The following B3GAT2 variants were observed in gnomAD, a reference collection of about 807,000 sequenced individuals.
The protein encoded by B3GAT2 is galactosylgalactosylxylosylprotein 3-beta-glucuronosyltransferase 2.
A neutral mutation model predicts 27.8 loss-of-function variants in B3GAT2; 26 were observed. The ratio of observed to expected loss-of-function variants is 0.93; its 90% CI spans 0.68 to 1.30. The LOEUF (loss-of-function observed/expected upper bound fraction) is 1.30, where lower values mean the gene tolerates loss of function less well. B3GAT2 is among the 50% of genes most tolerant of loss of function. B3GAT2 has a pLI of 0.00. For synonymous variants in B3GAT2, 218 were observed against 195.1 expected (o/e 1.12, Z -0.98); for missense variants, 458 against 459.0 (o/e 1.00, Z 0.02).
At chr6:70,865,207 A>T (rs1582337395) in intron 2 of B3GAT2, among the ~76,000 whole-genome samples, 1 of 152,178 alleles carries the variant, frequency 6.6e-6, no homozygotes, top group Non-Finnish European at 1.5e-5. Flanking sequence ...GCTCACTGCA[A>T]CCTCTGCCTC....
intron 1 of B3GAT2, among the ~76,000 whole-genome samples, chr6:70,910,309 C>T (rs1158990694): frequency 6.6e-6 from 1 of 152,022 alleles, no homozygotes; most frequent in Non-Finnish European, 1.5e-5. Context: ...CATTTTTTCT[C>T]TCCTCATCCT....
At chr6:70,953,189 C>A (rs1429778171) in intron 1 of B3GAT2, among the ~76,000 whole-genome samples, 1 of 152,184 alleles carries the variant, frequency 6.6e-6, no homozygotes, top group African/African-American at 2.4e-5. Flanking sequence ...AGCCCTATAG[C>A]ATTCCTAATC....
At chr6:70,949,084 C>A (rs1172684246) in intron 1 of B3GAT2, among the ~76,000 whole-genome samples, 1 of 152,108 alleles carries the variant, frequency 6.6e-6, no homozygotes, top group Non-Finnish European at 1.5e-5. Flanking sequence ...AAACGTTAGA[C>A]CTAAAACCAT....
chr6:70,876,522 T>G (rs1035075042), intron 2 of B3GAT2, among the ~76,000 whole-genome samples: 2 of 152,216 alleles, frequency 1.3e-5, no homozygotes, highest in African/African-American at 4.8e-5. Flanking sequence ...TACACAAATG[T>G]AAAATGCAGA....
chr6:70,903,041 CA>C (rs1038669910), intron 1 of B3GAT2, among the ~76,000 whole-genome samples: 54 of 151,272 alleles, frequency 3.6e-4, no homozygotes, highest in Admixed American at 8.6e-4. Flanking sequence ...GTTCTTATCA[CA>C]AAAAAATGAT....
intron 1 of B3GAT2, among the ~76,000 whole-genome samples, chr6:70,946,672 C>T (rs1307180302): frequency 2.6e-5 from 4 of 152,074 alleles, no homozygotes; most frequent in Non-Finnish European, 5.9e-5. Flanking sequence ...GACAGATCAA[C>T]GAGACAGAAA....
intron 1 of B3GAT2, among the ~76,000 whole-genome samples, chr6:70,935,184 A>G (rs1006558020): frequency 2.0e-5 from 3 of 152,108 alleles, no homozygotes; most frequent in Admixed American, 2.0e-4. Context: ...GGTGGCTCAC[A>G]CCAGTAATAC....
At chr6:70,889,966 G>C (rs1052606241) in intron 2 of B3GAT2, among the ~76,000 whole-genome samples, 20 of 151,920 alleles carry the variant, frequency 1.3e-4, no homozygotes, top group African/African-American at 4.8e-4. Flanking sequence ...ATTTGTAGTA[G>C]AGACGGGGTT....
At chr6:70,953,372 T>C (rs963905402) in intron 1 of B3GAT2, among the ~76,000 whole-genome samples, 14 of 152,206 alleles carry the variant, frequency 9.2e-5, no homozygotes, top group Admixed American at 7.2e-4. Context: ...TTCTGGAAAA[T>C]GCACAAGACT....
intron 1 of B3GAT2, among the ~76,000 whole-genome samples, chr6:70,941,991 C>T (rs1180455871): frequency 3.9e-5 from 6 of 152,120 alleles, no homozygotes; most frequent in Admixed American, 6.5e-5. Context: ...TATATTACCA[C>T]TTCTTTGGTA....
At position 70,859,333 on chromosome 6, in the gene B3GAT2, TGCAG is replaced by T. The variant is rs1200144398; in HGVS notation, c.*2326_*2329del. The T allele has an allele frequency of 6.5e-7, 1 of 1,547,722 alleles. No individual in the cohort carries two copies. Among genetic ancestry groups the T allele is most frequent in the Admixed American group, 2.0e-5 (1 of 50,330 alleles). On this transcript the variant is annotated 3_prime_UTR_variant, in exon 4 of 4. Transcript: ENST00000230053. ...AATACTGGCTCTTACTTCCAGATAA[TGCAG>T]AAGGGTGATGCTGTTCTCCAGCACT...
intron 1 of B3GAT2, among the ~76,000 whole-genome samples, chr6:70,902,158 C>G (rs1025955363): frequency 1.3e-5 from 2 of 152,074 alleles, no homozygotes; most frequent in African/African-American, 4.8e-5. Context: ...TAAATCAAGA[C>G]AATGTGGCAT....
intron 1 of B3GAT2, among the ~76,000 whole-genome samples, chr6:70,903,473 A>G (rs747650623): frequency 7.9e-5 from 12 of 152,108 alleles, no homozygotes; most frequent in African/African-American, 1.2e-4. Flanking sequence ...CTGACAAAAC[A>G]CTAGTATTCA....
At chr6:70,912,547 A>T (rs1772704562) in intron 1 of B3GAT2, among the ~76,000 whole-genome samples, 1 of 151,884 alleles carries the variant, frequency 6.6e-6, no homozygotes, top group South Asian at 2.1e-4. Context: ...TTTATTGAGA[A>T]TTTTTGCATC....
At chr6:70,945,005 T>G (rs908842476) in intron 1 of B3GAT2, among the ~76,000 whole-genome samples, 1 of 152,166 alleles carries the variant, frequency 6.6e-6, no homozygotes, top group Non-Finnish European at 1.5e-5. Context: ...GACCTGCAGC[T>G]GAGGGTCCTG....
intron 1 of B3GAT2, among the ~76,000 whole-genome samples, chr6:70,944,715 G>A (rs1195519342): frequency 6.6e-6 from 1 of 152,154 alleles, no homozygotes; most frequent in Admixed American, 6.5e-5. Context: ...TTTGAAAAGA[G>A]CAGTGGTTCT....
intron 1 of B3GAT2, among the ~76,000 whole-genome samples, chr6:70,897,505 G>C (rs1288726405): frequency 6.6e-6 from 1 of 150,614 alleles, no homozygotes; most frequent in African/African-American, 2.4e-5. Flanking sequence ...TTGGGAGGTC[G>C]AGGTGGGCGG....
rs750106272 is a variant in B3GAT2, at chr6:70,925,714, T to TG, written c.591+30124dup. On this transcript the variant is annotated intron_variant, in intron 1 of 3. Transcript: ENST00000230053. The stretch of plus-strand genomic sequence containing the variant: ...TGCCTGCCTCTGTAGACTCCACTTC[T>TG]GGGGGCAGGGCATAACTTAACAAAA... 2.0e-5 allele frequency among the ~76,000 whole-genome samples: 3 copies of TG among 152,326 alleles called. No individual in the cohort carries two copies. In the East Asian group the frequency reaches 5.8e-4, roughly 29 times the overall value.
At chr6:70,868,307 T>G (rs549134595) in intron 2 of B3GAT2, among the ~76,000 whole-genome samples, 83 of 152,308 alleles carry the variant, frequency 5.4e-4, no homozygotes, top group African/African-American at 1.9e-3. Context: ...ATCCTGGCCA[T>G]TTAAATAAGG....
Sources: gnomAD v4.1 joint callset for allele counts (sites outside exome capture counted in the v4.1 genomes callset) on GRCh38, gnomAD v4.1.1 for gene constraint, MANE v1.5 for transcripts, NCBI Gene and HGNC (gene_info 2026-07-23, HGNC 2026-07-21) for gene names.